The following HIP1 variants were observed in gnomAD, a reference collection of about 807,000 sequenced individuals.
HIP1 encodes the protein huntingtin-interacting protein 1.
In HIP1, 65 loss-of-function variants were observed where a neutral mutation model predicts 147.6. The observed-to-expected ratio is 0.44, with a 90% CI of 0.36 to 0.54. The LOEUF is 0.54. HIP1 is among the 20% of genes least tolerant of loss of function. HIP1 has a pLI of 0.00. For missense variants in HIP1, 1,061 were observed against 1,299.6 expected (o/e 0.82, Z 2.82); for synonymous variants, 479 against 504.0 (o/e 0.95, Z 0.67).
intron 2 of HIP1, among the ~76,000 whole-genome samples, chr7:75,596,521 G>C (rs1203206856): frequency 6.6e-6 from 1 of 152,100 alleles, no homozygotes; most frequent in Non-Finnish European, 1.5e-5. Flanking sequence ...CAAGTAGCTG[G>C]GATTACAGGT....
intron 1 of HIP1, among the ~76,000 whole-genome samples, chr7:75,612,682 G>A (rs587618847): frequency 4.0e-4 from 58 of 146,358 alleles, no homozygotes; most frequent in African/African-American, 1.4e-3. Context: ...GGTGGTGGGC[G>A]CCTGTAATTC....
intron 1 of HIP1, among the ~76,000 whole-genome samples, chr7:75,734,070 C>A (rs903858975): frequency 6.6e-6 from 1 of 151,860 alleles, no homozygotes; most frequent in Non-Finnish European, 1.5e-5. Context: ...ACAAGTGAGA[C>A]CCTGTCTCTA....
At chr7:75,683,913 AGTAGTT>A (rs1800174669) in intron 1 of HIP1, among the ~76,000 whole-genome samples, 7 of 25,822 alleles carry the variant, frequency 2.7e-4, no homozygotes, top group Non-Finnish European at 5.3e-4. Flanking sequence ...GAACAAGCTA[AGTAGTT>A]CTCTGGAATC....
intron 5 of HIP1, among the ~76,000 whole-genome samples, chr7:75,584,022 A>G (rs995985759): frequency 2.7e-5 from 4 of 150,922 alleles, no homozygotes; most frequent in African/African-American, 9.8e-5. Context: ...GTGCAATGGC[A>G]TGATCTCAGC....
Position 75,555,410 on chromosome 7 carries a change from G to T in HIP1, c.1963+6C>A. On this transcript the variant is annotated splice_donor_region_variant and intron_variant, in intron 19 of 30. Coordinates refer to ENST00000336926, the MANE Select transcript of HIP1 (RefSeq NM_005338.7). ...GCCCCTGCCAGCTGGGCAATTGCAA[G>T]TGTACCTGCAGACCCAGCGCAGCTG... 1 of 1,613,298 alleles carries T rather than the reference G, an allele frequency of 6.2e-7. No homozygotes were observed. The highest frequency in any genetic ancestry group is 8.5e-7 in the Non-Finnish European group (1 of 1,180,008).
chr7:75,660,268 T>G lies in HIP1; in HGVS notation c.121-61021A>C, dbSNP rs890469997. 2.7e-5 allele frequency among the ~76,000 whole-genome samples: 4 copies of G among 149,370 alleles called. No individual in the cohort carries two copies. In the East Asian group the frequency reaches 7.8e-4, roughly 29 times the overall value. ...TGGGCCTGGAGCAGTGGTTCATGCC[T>G]GTAATCCCAGCACTTTGGGAGGCTG... On this transcript the variant is annotated intron_variant, in intron 1 of 30. Coordinates refer to ENST00000336926, the MANE Select transcript of HIP1 (RefSeq NM_005338.7).
chr7:75,684,081 C>A (rs190072127), intron 1 of HIP1, among the ~76,000 whole-genome samples: 33 of 151,220 alleles, frequency 2.2e-4, no homozygotes, highest in Admixed American at 2.2e-3. Context: ...GAGTTCGAGA[C>A]CAGCCTGAGG....
In HIP1 at chr7:75,568,067, C is replaced by T; in HGVS notation, c.803+132G>A. On this transcript the variant is annotated intron_variant, in intron 9 of 30. Coordinates refer to ENST00000336926, the MANE Select transcript of HIP1 (RefSeq NM_005338.7). The surrounding 1 kb of genome is among the most constrained non-coding windows in gnomAD (Gnocchi z 4.1). ...TTGGCCTCAAGTGATCCTCCCGCCT[C>T]AGCCTCCCAAAGAGTTGGGGTTACA... 3 of 702,980 alleles carry T rather than the reference C, an allele frequency of 4.3e-6. 1 individual carries two copies. The South Asian group carries it at 4.7e-5, about 11-fold the overall frequency. The allele number at this position is 702,980 out of a possible 1,614,324, so 43.5% of individuals were successfully genotyped here.
At chr7:75,603,673 G>A (rs1584867350) in intron 1 of HIP1, among the ~76,000 whole-genome samples, 1 of 152,100 alleles carries the variant, frequency 6.6e-6, no homozygotes, top group African/African-American at 2.4e-5. Flanking sequence ...AGGATTTTGA[G>A]ATCAGCCCGG....
intron 2 of HIP1, among the ~76,000 whole-genome samples, chr7:75,592,992 A>G (rs1796556192): frequency 6.6e-6 from 1 of 152,120 alleles, no homozygotes; most frequent in Non-Finnish European, 1.5e-5. Flanking sequence ...TGGTTAAGAT[A>G]GGGTCTTACT....
chr7:75,538,765 G>A (rs1017518630), intron 30 of HIP1, among the ~76,000 whole-genome samples: 1 of 151,838 alleles, frequency 6.6e-6, no homozygotes, highest in Admixed American at 6.6e-5. Flanking sequence ...TAGTAGAGAC[G>A]GGGTTTCACC....
At chr7:75,644,793 T>C (rs1584915048) in intron 1 of HIP1, among the ~76,000 whole-genome samples, 1 of 152,244 alleles carries the variant, frequency 6.6e-6, no homozygotes, top group South Asian at 2.1e-4. Context: ...CATCTCCCCA[T>C]GGGAACGCCT....
rs1412924385 is a variant in HIP1, at chr7:75,549,577, C to T, written c.2296-576G>A. On this transcript the variant is annotated intron_variant, in intron 22 of 30. Coordinates refer to ENST00000336926, the MANE Select transcript of HIP1 (RefSeq NM_005338.7). Reference sequence around the variant, plus strand: ...GTAGAGATGGGTTTCACTATTTTGCCCAGGCTGGTCTCAAACTCCTGACCT... The same window carrying T: ...GTAGAGATGGGTTTCACTATTTTGCTCAGGCTGGTCTCAAACTCCTGACCT... Among the ~76,000 whole-genome samples the T allele has an allele frequency of 3.3e-5, 5 of 151,736 alleles. No individual in the cohort carries two copies. In the South Asian group the frequency reaches 6.2e-4, roughly 19 times the overall value.
intron 1 of HIP1, among the ~76,000 whole-genome samples, chr7:75,682,842 G>T (rs1289177422): frequency 1.3e-5 from 2 of 152,260 alleles, no homozygotes; most frequent in East Asian, 3.9e-4. Context: ...ACATTGCTGC[G>T]CTGGAGGGAC....
In HIP1 at chr7:75,536,738, C is replaced by A. The variant is rs1010654022; in HGVS notation, c.*1434G>T. 3 of 228,430 alleles carry A rather than the reference C, an allele frequency of 1.3e-5. No homozygotes were observed. The highest frequency in any genetic ancestry group is 2.6e-5 in the Non-Finnish European group (3 of 115,204). 14.2% of individuals were successfully genotyped at this position (228,430 alleles called of 1,614,324 possible). ...CCAAATGATCTCCTTGCTTTGGGAT[C>A]CAAGTCAGTAACAGTCCAGCACCTT... On this transcript the variant is annotated 3_prime_UTR_variant, in exon 31 of 31. Coordinates refer to ENST00000336926, the MANE Select transcript of HIP1 (RefSeq NM_005338.7).
At chr7:75,688,954 T>C (rs1242924307) in intron 1 of HIP1, among the ~76,000 whole-genome samples, 12 of 152,170 alleles carry the variant, frequency 7.9e-5, no homozygotes, top group Admixed American at 7.2e-4. Context: ...CCCTGTCTAC[T>C]GCAGAGCCTC....
At position 75,738,839 on chromosome 7, in the gene HIP1, G is replaced by A. The variant is rs1174712850; in HGVS notation, c.82C>T (p.Leu28=). 30 of 1,595,362 alleles carry A rather than the reference G, an allele frequency of 1.9e-5. No homozygotes were observed. Among genetic ancestry groups the A allele is most frequent in the Non-Finnish European group, 2.3e-5 (27 of 1,173,020 alleles). ...AAGCTCTCGCGCTCCGCCGCCTCCA[G>A]CCCAGCGCCGACCCCGCGCCGGCTC... ...VLSRRGVGAG[L]EAAERESFER... is the part of the protein sequence containing the mutation. The change falls in exon 1 of 31, where the codon CTG becomes TTG. Residue 28 remains leucine (L), a synonymous_variant. Coordinates refer to ENST00000336926, the MANE Select transcript of HIP1 (RefSeq NM_005338.7).
chr7:75,552,398 G>A (rs1347953552), intron 22 of HIP1, among the ~76,000 whole-genome samples: 2 of 151,994 alleles, frequency 1.3e-5, no homozygotes, highest in African/African-American at 4.8e-5. Flanking sequence ...TGCCTAGGCT[G>A]GAGTGCAGTG....
chr7:75,554,619 T>G (rs1554492846), intron 19 of HIP1, 93 bp from the exon 20 acceptor site: 6 of 853,388 alleles, frequency 7.0e-6, no homozygotes. Flanking sequence ...GCTTACCTAG[T>G]GGGTAAGCTT....
Sources: gnomAD v4.1 joint callset for allele counts (sites outside exome capture counted in the v4.1 genomes callset) on GRCh38, gnomAD v4.1.1 for gene constraint, Gnocchi (gnomAD v3.1) non-coding constraint, MANE v1.5 for transcripts, NCBI Gene and HGNC (gene_info 2026-07-23, HGNC 2026-07-21) for gene names.